The following ARL6 variants were observed in gnomAD, a reference collection of about 807,000 sequenced individuals.
The protein encoded by ARL6 is ADP-ribosylation factor-like protein 6.
Under a neutral mutation model 27.1 loss-of-function variants are expected in ARL6, and 18 were observed. The observed-to-expected ratio is 0.66, with a 90% CI of 0.46 to 0.98. ARL6 has a LOEUF of 0.98. ARL6 is among the 50% of genes least tolerant of loss of function. The pLI, the probability that ARL6 is intolerant of heterozygous loss-of-function variation, is 0.00. For synonymous variants in ARL6, 65 were observed against 72.3 expected, an observed-to-expected ratio of 0.90 and a Z score of 0.51; for missense variants, 187 against 214.9, an observed-to-expected ratio of 0.87 and a Z score of 0.81.
At chr3:97,780,063 G>T in intron 2 of ARL6, 96 bp from the exon 3 acceptor site, 4 of 958,346 alleles carry the variant, frequency 4.2e-6, no homozygotes, top group South Asian at 1.3e-5. Context: ...TCTCCTTAGT[G>T]ACAGATTTTA....
At chr3:97,776,338 G>A (rs745589208) in intron 2 of ARL6, among the ~76,000 whole-genome samples, 1 of 151,948 alleles carries the variant, frequency 6.6e-6, no homozygotes, top group Non-Finnish European at 1.5e-5. Flanking sequence ...TAGATGAAAT[G>A]AGTTTTTTGT....
At chr3:97,775,139 C>G (rs2036829167) in intron 2 of ARL6, among the ~76,000 whole-genome samples, 1 of 152,076 alleles carries the variant, frequency 6.6e-6, no homozygotes, top group South Asian at 2.1e-4. Context: ...CCAGAAACCC[C>G]AAAACCAATG....
chr3:97,785,073 T>A, intron 5 of ARL6, 24 bp downstream of exon 5: 1 of 1,575,162 alleles, frequency 6.3e-7, no homozygotes, highest in Non-Finnish European at 8.7e-7. Context: ...TTTCAGTCTG[T>A]ATCTGTTCTT....
chr3:97,778,346 G>C (rs529779501), intron 2 of ARL6, among the ~76,000 whole-genome samples: 1 of 152,212 alleles, frequency 6.6e-6, no homozygotes, highest in Non-Finnish European at 1.5e-5. Context: ...AAAAAGCTAA[G>C]TAAACAAACT....
At chr3:97,774,664 C>A (rs1326578220) in intron 2 of ARL6, among the ~76,000 whole-genome samples, 1 of 152,246 alleles carries the variant, frequency 6.6e-6, no homozygotes, top group Non-Finnish European at 1.5e-5. Flanking sequence ...TCAATGCCCT[C>A]ACTTCAACAG....
chr3:97,766,065 A>G (rs976546381), intron 1 of ARL6: 4 of 152,192 alleles, frequency 2.6e-5, no homozygotes, highest in African/African-American at 7.2e-5. Flanking sequence ...ATCCATGGAA[A>G]AGTGATGGAA....
At chr3:97,779,272 G>A (rs183443847) in intron 2 of ARL6, among the ~76,000 whole-genome samples, 10 of 152,188 alleles carry the variant, frequency 6.6e-5, no homozygotes, top group African/African-American at 2.4e-4. Context: ...TCATTGCACT[G>A]ACAGATTTCT....
In ARL6 at chr3:97,783,553, T is replaced by C. The variant is rs1032000051; in HGVS notation, c.255-1402T>C. Among the ~76,000 whole-genome samples, 9 of 151,954 alleles carry C rather than the reference T, an allele frequency of 5.9e-5. No individual in the cohort carries two copies. The East Asian group carries it at 1.7e-3, about 29-fold the overall frequency. ...GATTCCTTAGAATGAATTTCAGAAATAAAATCACTGGCTCAAAGTGATTGA... is the reference window on the plus strand; with the variant it reads ...GATTCCTTAGAATGAATTTCAGAAACAAAATCACTGGCTCAAAGTGATTGA... On this transcript the variant is annotated intron_variant, in intron 4 of 7. Coordinates refer to ENST00000463745, the MANE Select transcript of ARL6 (RefSeq NM_001278293.3).
At chr3:97,774,765 T>A (rs761921864) in intron 2 of ARL6, among the ~76,000 whole-genome samples, 1 of 152,172 alleles carries the variant, frequency 6.6e-6, no homozygotes, top group Non-Finnish European at 1.5e-5. Context: ...ATTTCAGCTC[T>A]TTCTCTACAG....
At position 97,779,251 on chromosome 3, in the gene ARL6, C is replaced by T. The variant is rs2037061081; in HGVS notation, c.124-908C>T. ...CATTTCCTCAGTGGCAAGTTCCTTC[C>T]TTCCTCAGAATCATTGCACTGACAG... On this transcript the variant is annotated intron_variant, in intron 2 of 7. Transcript: ENST00000463745. Among the ~76,000 whole-genome samples the T allele has an allele frequency of 2.0e-5, 3 of 152,100 alleles. No homozygotes were observed. The South Asian group carries it at 6.2e-4, about 32-fold the overall frequency.
chr3:97,787,587 T>C (rs757870740), intron 5 of ARL6, among the ~76,000 whole-genome samples: 8 of 152,190 alleles, frequency 5.3e-5, no homozygotes, highest in African/African-American at 9.6e-5. Flanking sequence ...TTGTTACTTA[T>C]GATATTGTGA....
intron 1 of ARL6, among the ~76,000 whole-genome samples, chr3:97,767,651 C>T (rs1446531972): frequency 6.6e-6 from 1 of 152,166 alleles, no homozygotes; most frequent in African/African-American, 2.4e-5. Flanking sequence ...AATCTGTCTG[C>T]TTTTCAGATC....
intron 6 of ARL6, 112 bp from the exon 7 acceptor site, chr3:97,791,659 G>T (rs995625931): frequency 1.6e-5 from 15 of 919,314 alleles, no homozygotes; most frequent in Non-Finnish European, 2.6e-5. Flanking sequence ...GTTTTGCTCA[G>T]ATATATGTTG....
intron 2 of ARL6, among the ~76,000 whole-genome samples, chr3:97,772,134 A>T (rs1265145922): frequency 2.6e-5 from 4 of 152,160 alleles, no homozygotes; most frequent in Non-Finnish European, 5.9e-5. Context: ...GTAGAATTCC[A>T]TAGTGAAGCC....
chr3:97,790,919 C>T (rs143513041), intron 6 of ARL6, among the ~76,000 whole-genome samples: 176 of 152,102 alleles, frequency 1.2e-3, no homozygotes, highest in African/African-American at 4.1e-3. Context: ...ATATTAATTG[C>T]TATTAAACAA....
intron 5 of ARL6, 76 bp downstream of exon 5, chr3:97,785,125 C>T (rs2037388962): frequency 9.1e-7 from 1 of 1,096,772 alleles, no homozygotes. Flanking sequence ...TTGGGTATTG[C>T]TTATACTATG....
chr3:97,785,118 G>A (rs2037388680), intron 5 of ARL6, 69 bp downstream of exon 5: 1 of 1,233,298 alleles, frequency 8.1e-7, no homozygotes, highest in Non-Finnish European at 1.2e-6. Context: ...TTGTTCTTTG[G>A]GTATTGCTTA....
chr3:97,794,258 G>A (rs1224504839), intron 7 of ARL6, among the ~76,000 whole-genome samples: 1 of 149,200 alleles, frequency 6.7e-6, no homozygotes, highest in Non-Finnish European at 1.5e-5. Flanking sequence ...TGTCACCCAG[G>A]CTGGAGTGCA....
intron 7 of ARL6, among the ~76,000 whole-genome samples, chr3:97,792,188 C>T (rs2037772666): frequency 6.6e-6 from 1 of 152,106 alleles, no homozygotes; most frequent in South Asian, 2.1e-4. Context: ...GTCTGAATGA[C>T]ATGTTTCTTT....
Sources: allele counts gnomAD v4.1 joint callset (sites outside exome capture counted in the v4.1 genomes callset), GRCh38; gene constraint gnomAD v4.1.1; transcripts MANE v1.5; gene names NCBI Gene and HGNC (gene_info 2026-07-23, HGNC 2026-07-21).